STAT5B: variants seen among roughly 807,000 people sequenced by gnomAD.
The protein encoded by STAT5B is transcription factor STAT5B.
Under a neutral mutation model 107.8 loss-of-function variants are expected in STAT5B, and 21 were observed. The observed-to-expected ratio is 0.19, with a 90% CI of 0.14 to 0.28. STAT5B has a LOEUF of 0.28. Among genes scored for constraint, STAT5B ranks in the 10% least tolerant of loss-of-function variants. STAT5B has a pLI of 1.00. For missense variants in STAT5B, 565 were observed against 1,008.2 expected (o/e 0.56, Z 5.95); for synonymous variants, 325 against 401.7 (o/e 0.81, Z 2.28).
At chr17:42,218,361 G>A in intron 8 of STAT5B, 31 bp from the exon 9 acceptor site, 1 of 1,606,980 alleles carries the variant, frequency 6.2e-7, no homozygotes, top group Non-Finnish European at 8.5e-7. Flanking sequence ...GATGCATGAT[G>A]AGGGGCTGGT....
chr17:42,218,096 C>T, intron 9 of STAT5B, 55 bp downstream of exon 9: 1 of 1,585,814 alleles, frequency 6.3e-7, no homozygotes, highest in Non-Finnish European at 8.6e-7. Context: ...TCTTTTTTTC[C>T]TGTTGCCAGG....
At chr17:42,209,245 G>C (rs2080109977) in intron 15 of STAT5B, among the ~76,000 whole-genome samples, 1 of 151,526 alleles carries the variant, frequency 6.6e-6, no homozygotes, top group Non-Finnish European at 1.5e-5. Context: ...CTTAGAGACA[G>C]GGTCTTACTA....
chr17:42,220,932 G>A (rs1438100310), intron 5 of STAT5B, among the ~76,000 whole-genome samples: 6 of 128,790 alleles, frequency 4.7e-5, no homozygotes, highest in Admixed American at 3.3e-4. Context: ...GCGACAGCCC[G>A]TCTCCACCAC....
intron 11 of STAT5B, 34 bp from the exon 12 acceptor site, chr17:42,216,140 G>A (rs1045413082): frequency 6.3e-6 from 10 of 1,581,118 alleles, no homozygotes; most frequent in African/African-American, 1.3e-5. Flanking sequence ...GAGCGCCCAC[G>A]AGCCTCAAGT....
chr17:42,206,130 C>T (rs1160795468), intron 16 of STAT5B, among the ~76,000 whole-genome samples: 1 of 152,150 alleles, frequency 6.6e-6, no homozygotes, highest in South Asian at 2.1e-4. Flanking sequence ...GTGGCATAGT[C>T]TCGGCTCACT....
At chr17:42,210,829 C>T (rs571339987) in intron 13 of STAT5B, among the ~76,000 whole-genome samples, 12 of 152,206 alleles carry the variant, frequency 7.9e-5, no homozygotes, top group East Asian at 7.7e-4. Flanking sequence ...GAGAAATGCA[C>T]GTTGTTAGGC....
At chr17:42,261,256 A>G (rs2080593953) in intron 1 of STAT5B, among the ~76,000 whole-genome samples, 1 of 152,210 alleles carries the variant, frequency 6.6e-6, no homozygotes, top group Admixed American at 6.5e-5. Context: ...TTTAGGAAGT[A>G]GAGGAGGTAA....
chr17:42,231,912 T>C (rs962918262), intron 2 of STAT5B, 88 bp downstream of exon 2: 7 of 1,580,572 alleles, frequency 4.4e-6, no homozygotes, highest in Non-Finnish European at 6.1e-6. Flanking sequence ...AATACAACTT[T>C]GAAAGTTGCC....
At chr17:42,211,494 G>A (rs907478152) in intron 13 of STAT5B, among the ~76,000 whole-genome samples, 3 of 151,370 alleles carry the variant, frequency 2.0e-5, no homozygotes, top group Non-Finnish European at 4.4e-5. Flanking sequence ...CAACAAGAGC[G>A]AAACTCTGTC....
upstream of STAT5B, among the ~76,000 whole-genome samples, chr17:42,278,428 C>T (rs1331560632): frequency 1.3e-5 from 2 of 152,176 alleles, no homozygotes; most frequent in Non-Finnish European, 2.9e-5. Context: ...GGGTCTAGCC[C>T]GGTGTGGCGA....
intron 5 of STAT5B, 122 bp from the exon 6 acceptor site, chr17:42,219,964 A>G (rs1459753019): frequency 1.3e-6 from 2 of 1,500,648 alleles, no homozygotes; most frequent in Admixed American, 4.2e-5. Context: ...ATTAAGGGCA[A>G]GTCGGGGTTC....
intron 1 of STAT5B, among the ~76,000 whole-genome samples, chr17:42,239,238 C>A: frequency 7.6e-6 from 1 of 131,988 alleles, no homozygotes; most frequent in African/African-American, 3.2e-5. Flanking sequence ...CAGAGCAAGA[C>A]TCTGTCTCAA....
Position 42,212,099 on chromosome 17 carries a change from T to C in STAT5B, c.1565A>G (p.Asn522Ser), listed in dbSNP as rs764726823. The change falls in exon 13 of 19, where the codon AAC becomes AGC. Residue 522 changes from asparagine (N) to serine (S), a missense_variant. Physicochemically the swap from Asn to Ser is conservative, Grantham distance 46. This residue lies in a region of STAT5B where 127 missense variants were observed against 215.8 expected (regional missense o/e 0.59). Coordinates refer to ENST00000293328, the MANE Select transcript of STAT5B (RefSeq NM_012448.4). ...GAGGTTCTCCTTGGTCAGGCCCCGG[T>C]TGCTCTGCACTTCGGCCTTGAATTT... ...NMKFKAEVQS[N>S]RGLTKENLVF... 4.3e-6 allele frequency: 7 copies of C among 1,614,142 alleles called. No homozygotes were observed. Among genetic ancestry groups the C allele is most frequent in the East Asian group, 2.2e-5 (1 of 44,882 alleles).
chr17:42,228,540 G>C (rs528644834), intron 2 of STAT5B, among the ~76,000 whole-genome samples: 1 of 152,288 alleles, frequency 6.6e-6, no homozygotes, highest in Admixed American at 6.5e-5. Flanking sequence ...ACTGGGTCTG[G>C]AGCCAAACAA....
intron 15 of STAT5B, among the ~76,000 whole-genome samples, chr17:42,209,544 C>T (rs936633413): frequency 1.5e-4 from 23 of 152,032 alleles, no homozygotes; most frequent in Non-Finnish European, 7.4e-5. Context: ...GGGCAACATA[C>T]AAAAAATTTA....
At position 42,216,036 on chromosome 17, in the gene STAT5B, C is replaced by G; in HGVS notation, c.1451G>C (p.Trp484Ser). The G allele has an allele frequency of 6.2e-7, 1 of 1,614,058 alleles. No individual in the cohort carries two copies. The highest frequency in any genetic ancestry group is 8.5e-7 in the Non-Finnish European group (1 of 1,179,998). Residue 484 changes from tryptophan (W) to serine (S), a missense_variant, in exon 12 of 19, where the codon TGG (tryptophan) becomes TCG (serine). Physicochemically the swap from Trp to Ser is radical, Grantham distance 177. This residue lies in a region of STAT5B where 127 missense variants were observed against 215.8 expected (regional missense o/e 0.59). Coordinates refer to ENST00000293328, the MANE Select transcript of STAT5B (RefSeq NM_012448.4). ...QDNNATATVL[W>S]DNAFAEPGRV... ...CACAGGCTCTGCAAAAGCATTGTCC[C>G]AGAGAACAGTGGCCGTCGCATTGTT...
intron 1 of STAT5B, among the ~76,000 whole-genome samples, chr17:42,253,560 A>G (rs1325555174): frequency 2.6e-5 from 4 of 152,200 alleles, no homozygotes; most frequent in Non-Finnish European, 5.9e-5. Flanking sequence ...TTTAAACAGG[A>G]AGGACTGAAA....
chr17:42,210,334 G>A, intron 14 of STAT5B, 33 bp from the exon 15 acceptor site: 1 of 1,614,192 alleles, frequency 6.2e-7, no homozygotes, highest in Non-Finnish European at 8.5e-7. Context: ...CAGAAGCAGA[G>A]TGTGACTTAC....
At chr17:42,202,272 C>G (rs1030951245) in intron 18 of STAT5B, 68 bp downstream of exon 18, 1 of 1,583,350 alleles carries the variant, frequency 6.3e-7, no homozygotes, top group Admixed American at 1.7e-5. Context: ...CCCCAGCCCT[C>G]CAGGGGTCCA....
Sources: allele counts gnomAD v4.1 joint callset (sites outside exome capture counted in the v4.1 genomes callset), GRCh38; gene constraint gnomAD v4.1.1; regional missense constraint gnomAD v4.1.1; transcripts MANE v1.5; gene names NCBI Gene and HGNC (gene_info 2026-07-23, HGNC 2026-07-21).